The following HPS3 variants were observed in gnomAD, a reference collection of about 807,000 sequenced individuals.
HPS3 encodes the protein HPS3 biogenesis of lysosomal organelles complex 2 subunit 1.
Under a neutral mutation model 110.9 loss-of-function variants are expected in HPS3, and 79 were observed. The observed-to-expected ratio is 0.71, with a 90% CI of 0.59 to 0.86. The LOEUF is 0.86. HPS3 is among the 40% of genes least tolerant of loss of function. The pLI is 0.00. For missense variants in HPS3, 1,197 were observed against 1,206.2 expected (o/e 0.99, Z 0.11); for synonymous variants, 428 against 451.0 (o/e 0.95, Z 0.65).
At chr3:149,133,810 G>T (rs1004427750) in intron 1 of HPS3, among the ~76,000 whole-genome samples, 15 of 152,002 alleles carry the variant, frequency 9.9e-5, no homozygotes, top group African/African-American at 3.1e-4. Context: ...TTGTTTGTTT[G>T]TTTTTTAGGT....
chr3:149,156,470 A>C (rs1429537530), intron 8 of HPS3, among the ~76,000 whole-genome samples: 2 of 152,118 alleles, frequency 1.3e-5, no homozygotes, highest in Non-Finnish European at 2.9e-5. Flanking sequence ...TTGAAGCTGG[A>C]ATATTTCTAT....
intron 14 of HPS3, among the ~76,000 whole-genome samples, chr3:149,164,179 C>T (rs1345877708): frequency 6.6e-6 from 1 of 152,074 alleles, no homozygotes; most frequent in Non-Finnish European, 1.5e-5. Context: ...GGTGGATGAA[C>T]GAACTTCACC....
intron 1 of HPS3, chr3:149,130,205 T>G (rs796992186): frequency 1.1e-5 from 6 of 563,096 alleles, no homozygotes; most frequent in Middle Eastern, 4.7e-4. Flanking sequence ...CAGAAAGGCC[T>G]CTGGCTGGAT....
intron 5 of HPS3, among the ~76,000 whole-genome samples, chr3:149,149,644 C>CTT (rs113297187): frequency 4.0e-5 from 6 of 150,816 alleles, no homozygotes; most frequent in Admixed American, 1.3e-4. Context: ...TTGCTTTAGT[C>CTT]TTTTTTTTTA....
intron 4 of HPS3, among the ~76,000 whole-genome samples, chr3:149,141,590 G>A (rs1271565563): frequency 2.1e-5 from 3 of 145,848 alleles, no homozygotes; most frequent in Admixed American, 7.1e-5. Flanking sequence ...CTGGAGTGCA[G>A]TGGTGCGATC....
rs749726836 is a variant in HPS3 at position 149,145,536 on chromosome 3, G to A, written c.1153G>A (p.Val385Ile). 4.0e-5 allele frequency: 64 copies of A among 1,613,588 alleles called. No individual in the cohort carries two copies. Among genetic ancestry groups the A allele is most frequent in the African/African-American group, 5.3e-5 (4 of 74,898 alleles). ...AGTACTCACGCCACAATTTTTGCACGTCATTACAAGGTACTGTTAGAGGGT... is the reference window on the plus strand; with the variant it reads ...AGTACTCACGCCACAATTTTTGCACATCATTACAAGGTACTGTTAGAGGGT... ...QAVLTPQFLH[V>I]ITSNNLQCFT... is the part of the protein sequence containing the mutation. The change falls in exon 5 of 17, where the codon GTC (valine) becomes ATC (isoleucine). Residue 385 changes from valine to isoleucine, a missense_variant. Coordinates refer to ENST00000296051, the MANE Select transcript of HPS3 (RefSeq NM_032383.5).
At position 149,158,302 on chromosome 3, in the gene HPS3, ATTAAC is replaced by A. The variant is rs755281955; in HGVS notation, c.1692-359_1692-355del. On this transcript the variant is annotated intron_variant, in intron 9 of 16. Coordinates refer to ENST00000296051, the MANE Select transcript of HPS3 (RefSeq NM_032383.5). ...TTAGAGTCCGATCATGAATATTAGAATTAACTTAAATTGTTGTTTTTGTTTCTATT... is the reference window on the plus strand; with the variant it reads ...TTAGAGTCCGATCATGAATATTAGAATTAAATTGTTGTTTTTGTTTCTATT... Among the ~76,000 whole-genome samples the A allele has an allele frequency of 1.8e-4, 27 of 152,330 alleles. No homozygotes were observed. In the South Asian group the frequency reaches 2.1e-3, roughly 12 times the overall value.
chr3:149,170,515 A>G (rs1317574563), intron 16 of HPS3: 1 of 152,218 alleles, frequency 6.6e-6, no homozygotes, highest in Non-Finnish European at 1.5e-5. Flanking sequence ...CAGTACCACT[A>G]CATTATAAAT....
chr3:149,157,471 AG>A lies in HPS3; in HGVS notation c.1633del (p.Ala545GlnfsTer51). ...MDASQLEPGE[K>X]AELLEAFKES... ...GCCAGTCAGCTGGAACCTGGAGAGA[AG>A]GCAGAGCTTTTGGAAGCATTTAAGG... On this transcript the variant is annotated frameshift_variant, in exon 9 of 17. Transcript: ENST00000296051. LOFTEE classifies it high-confidence loss of function. 6.2e-7 allele frequency: 1 copy of A among 1,613,942 alleles called. No homozygotes were observed. The highest frequency in any genetic ancestry group is 8.5e-7 in the Non-Finnish European group (1 of 1,179,868).
At chr3:149,148,399 C>CTTTT (rs66720211) in intron 5 of HPS3, among the ~76,000 whole-genome samples, 2,107 of 100,278 alleles carry the variant, frequency 0.021, 131 homozygotes, top group Non-Finnish European at 0.031. Flanking sequence ...CATATCAAGA[C>CTTTT]TTTTTTTTTT....
chr3:149,130,115 G>A, intron 1 of HPS3, 175 bp downstream of exon 1: 1 of 627,728 alleles, frequency 1.6e-6, no homozygotes. Context: ...ATTGAGCTAT[G>A]CGGTTGTCGC....
intron 15 of HPS3, among the ~76,000 whole-genome samples, chr3:149,167,684 T>C (rs1333837765): frequency 1.3e-5 from 2 of 152,190 alleles, no homozygotes; most frequent in East Asian, 1.9e-4. Flanking sequence ...TATGTATTAC[T>C]GGGTTTTCAA....
At chr3:149,155,328 G>C in intron 8 of HPS3, 113 bp downstream of exon 8, 1 of 724,386 alleles carries the variant, frequency 1.4e-6, no homozygotes, top group Non-Finnish European at 2.5e-6. Flanking sequence ...TCAGCTTCCT[G>C]GCTCTGTCTG....
intron 1 of HPS3, among the ~76,000 whole-genome samples, chr3:149,131,347 C>T (rs529782760): frequency 1.8e-3 from 273 of 151,920 alleles, no homozygotes; most frequent in Admixed American, 4.9e-3. Context: ...AAGTTTGTGG[C>T]AACTCTGTGT....
At chr3:149,170,910 G>A (rs749841932) in intron 16 of HPS3, among the ~76,000 whole-genome samples, 2 of 152,150 alleles carry the variant, frequency 1.3e-5, no homozygotes, top group Non-Finnish European at 2.9e-5. Flanking sequence ...GGAGAGGGCA[G>A]CATGTATCTG....
chr3:149,166,489 G>T (rs1471061377), intron 14 of HPS3, among the ~76,000 whole-genome samples: 1 of 152,066 alleles, frequency 6.6e-6, no homozygotes, highest in Non-Finnish European at 1.5e-5. Context: ...AACTGATCAT[G>T]TTCAGAATAT....
At chr3:149,141,435 T>TTCACTCCCAGCCCAGACAGA in intron 4 of HPS3, 55 bp downstream of exon 4, 1 of 1,443,734 alleles carries the variant, frequency 6.9e-7, no homozygotes, top group Non-Finnish European at 9.8e-7. Flanking sequence ...ATGCTCTGTC[T>TTCACTCCCAGCCCAGACAGA]GGGCTGGGAG....
At position 149,141,144 on chromosome 3, in the gene HPS3, TG is replaced by T. The variant is rs1169648392; in HGVS notation, c.841del (p.Asp281MetfsTer60). 1 of 1,612,522 alleles carries T rather than the reference TG, an allele frequency of 6.2e-7. No homozygotes were observed. The highest frequency in any genetic ancestry group is 8.5e-7 in the Non-Finnish European group (1 of 1,179,816). On this transcript the variant is annotated frameshift_variant, in exon 3 of 17. Transcript: ENST00000296051. LOFTEE classifies it high-confidence loss of function. Reference protein sequence around the residue: ...SVTLESTGLADEKRKYSHFQH... With the variant: ...SVTLESTGLAXEKRKYSHFQH... ...TTACACTGGAGTCTACGGGATTAGC[TG>T]ATGAAAAAAGAAAATATTCCCACTT...
chr3:149,162,495 T>A, intron 12 of HPS3, 162 bp downstream of exon 12: 1 of 894,602 alleles, frequency 1.1e-6, no homozygotes, highest in Non-Finnish European at 1.8e-6. Flanking sequence ...AGACTATATC[T>A]GTAGAAACTT....
Sources: allele counts gnomAD v4.1 joint callset (sites outside exome capture counted in the v4.1 genomes callset), GRCh38; gene constraint gnomAD v4.1.1; transcripts MANE v1.5; gene names NCBI Gene and HGNC (gene_info 2026-07-23, HGNC 2026-07-21).